SCAPER: variants seen among roughly 807,000 people sequenced by gnomAD.
SCAPER encodes S-phase cyclin A associated protein in the ER.
Under a neutral mutation model 182.2 loss-of-function variants are expected in SCAPER, and 98 were observed. The observed-to-expected ratio is 0.54, with a 90% CI of 0.46 to 0.64. The LOEUF is 0.64. SCAPER is among the 30% of genes least tolerant of loss of function. The pLI is 0.00. For missense variants in SCAPER, 1,432 were observed against 1,690.0 expected, an observed-to-expected ratio of 0.85 and a Z score of 2.68; for synonymous variants, 605 against 564.6, an observed-to-expected ratio of 1.07 and a Z score of -1.01.
At chr15:76,689,785 A>C (rs756211962) in intron 20 of SCAPER, among the ~76,000 whole-genome samples, 24 of 152,074 alleles carry the variant, frequency 1.6e-4, no homozygotes, top group South Asian at 1.2e-3. Flanking sequence ...AGATTATAAA[A>C]TGCCAGTAAA....
chr15:76,743,649 G>C (rs1001789149), intron 15 of SCAPER, among the ~76,000 whole-genome samples: 28 of 152,008 alleles, frequency 1.8e-4, no homozygotes, highest in African/African-American at 6.5e-4. Context: ...AAAAATCAGA[G>C]ATGACACAAA....
intron 17 of SCAPER, among the ~76,000 whole-genome samples, chr15:76,717,115 G>A (rs1461146732): frequency 6.7e-6 from 1 of 148,506 alleles, no homozygotes; most frequent in Non-Finnish European, 1.5e-5. Context: ...CTGGAGAATG[G>A]GATGACATAT....
intron 8 of SCAPER, among the ~76,000 whole-genome samples, chr15:76,781,470 A>G (rs2064132966): frequency 6.6e-6 from 1 of 152,222 alleles, no homozygotes; most frequent in Non-Finnish European, 1.5e-5. Context: ...ACTCTTCAGG[A>G]TATTATCCAG....
rs1184300478 is a variant in SCAPER at position 76,348,382 on chromosome 15, A to G, written c.*251T>C. On this transcript the variant is annotated 3_prime_UTR_variant, in exon 32 of 32. Coordinates refer to ENST00000563290, the MANE Select transcript of SCAPER (RefSeq NM_020843.4). ...CCCATATCACAAATGCAAAGTATAT[A>G]TTATCATAAGATGGAAATTACCAAA... The G allele has an allele frequency of 7.3e-6, 2 of 272,388 alleles. No individual in the cohort carries two copies. Among genetic ancestry groups the G allele is most frequent in the Non-Finnish European group, 1.4e-5 (2 of 144,366 alleles). The allele number at this position is 272,388 out of a possible 1,614,324, so 16.9% of individuals were successfully genotyped here.
chr15:76,899,946 CTG>C (rs1247547876), intron 1 of SCAPER, among the ~76,000 whole-genome samples: 6 of 152,188 alleles, frequency 3.9e-5, no homozygotes, highest in South Asian at 2.1e-4. Context: ...GTTACTGTGT[CTG>C]TGTAGAAAGA....
chr15:76,721,716 G>T (rs573690606), intron 17 of SCAPER, among the ~76,000 whole-genome samples: 32 of 151,926 alleles, frequency 2.1e-4, no homozygotes, highest in East Asian at 3.9e-4. Context: ...CTCATGATTT[G>T]GCTCTCTGTT....
chr15:76,604,049 T>C (rs935698267), intron 22 of SCAPER, among the ~76,000 whole-genome samples: 3 of 120,852 alleles, frequency 2.5e-5, no homozygotes, highest in African/African-American at 5.0e-5. Context: ...TTTGTCAATT[T>C]TGGCTTTTGT....
intron 26 of SCAPER, among the ~76,000 whole-genome samples, chr15:76,423,625 T>G (rs1408461552): frequency 6.6e-6 from 1 of 152,206 alleles, no homozygotes; most frequent in Non-Finnish European, 1.5e-5. Context: ...CTCCTTCAGT[T>G]CTGCTCTCAT....
intron 21 of SCAPER, among the ~76,000 whole-genome samples, chr15:76,649,383 T>G (rs904582710): frequency 6.6e-6 from 1 of 151,920 alleles, no homozygotes; most frequent in African/African-American, 2.4e-5. Context: ...TGAGCTGGGA[T>G]CATGCCACTG....
intron 5 of SCAPER, among the ~76,000 whole-genome samples, chr15:76,804,951 G>A (rs1014046042): frequency 1.3e-5 from 2 of 152,062 alleles, no homozygotes; most frequent in Non-Finnish European, 2.9e-5. Flanking sequence ...CTGCACACTT[G>A]TAGTCCCAGT....
chr15:76,522,360 G>A lies in SCAPER; in HGVS notation c.2839-17386C>T, dbSNP rs1281449757. 2.6e-5 allele frequency among the ~76,000 whole-genome samples: 4 copies of A among 152,108 alleles called. 1 individual carries two copies. The highest frequency in any genetic ancestry group is 2.6e-4 in the Admixed American group (4 of 15,276). ...ACAATGACTGATTCACCAGTAGGAA[G>A]TCAGTTACAAGATTGCTGATTTCAA... On this transcript the variant is annotated intron_variant, in intron 23 of 31. Coordinates refer to ENST00000563290, the MANE Select transcript of SCAPER (RefSeq NM_020843.4).
intron 3 of SCAPER, among the ~76,000 whole-genome samples, chr15:76,859,381 A>G (rs560024016): frequency 3.5e-4 from 53 of 152,366 alleles, no homozygotes; most frequent in African/African-American, 1.2e-3. Flanking sequence ...GTTTTCTTAG[A>G]ATATCCAGCA....
At chr15:76,854,249 T>C (rs575990779) in intron 4 of SCAPER, among the ~76,000 whole-genome samples, 21 of 151,606 alleles carry the variant, frequency 1.4e-4, no homozygotes, top group East Asian at 9.8e-4. Context: ...ATCCTGGCAA[T>C]AGAGCAAGAC....
intron 7 of SCAPER, among the ~76,000 whole-genome samples, chr15:76,799,552 T>A (rs971960264): frequency 6.6e-6 from 1 of 152,022 alleles, no homozygotes; most frequent in Non-Finnish European, 1.5e-5. Flanking sequence ...TGTTTTTACT[T>A]TTTATATAGA....
At chr15:76,417,679 T>C (rs2045746232) in intron 26 of SCAPER, among the ~76,000 whole-genome samples, 1 of 152,176 alleles carries the variant, frequency 6.6e-6, no homozygotes, top group Non-Finnish European at 1.5e-5. Flanking sequence ...AGTGCTAGGC[T>C]AAAATTTCTC....
At chr15:76,431,704 A>AAAAAAAAAAAAAAAAC (rs61401621) in intron 26 of SCAPER, among the ~76,000 whole-genome samples, 1 of 127,514 alleles carries the variant, frequency 7.8e-6, no homozygotes, top group Non-Finnish European at 1.8e-5. Context: ...AAAAAAAAAA[A>AAAAAAAAAAAAAAAAC]TGCTTTGTTT....
chr15:76,704,815 T>C (rs1441917280), intron 18 of SCAPER, among the ~76,000 whole-genome samples: 1 of 152,146 alleles, frequency 6.6e-6, no homozygotes, highest in African/African-American at 2.4e-5. Flanking sequence ...TCACTCTCCA[T>C]CAGAGAAATG....
intron 17 of SCAPER, among the ~76,000 whole-genome samples, chr15:76,720,734 G>A (rs1330025564): frequency 6.6e-6 from 1 of 152,222 alleles, no homozygotes; most frequent in African/African-American, 2.4e-5. Flanking sequence ...CTTCTTTTGA[G>A]AAGTGTCTGT....
intron 21 of SCAPER, among the ~76,000 whole-genome samples, chr15:76,652,775 G>A (rs116334364): frequency 0.016 from 2,358 of 151,928 alleles, 61 homozygotes; most frequent in African/African-American, 0.055. Context: ...ACATCATACT[G>A]AAGGTGCAAA....
Sources: allele counts gnomAD v4.1 joint callset (sites outside exome capture counted in the v4.1 genomes callset), GRCh38; gene constraint gnomAD v4.1.1; transcripts MANE v1.5; gene names NCBI Gene and HGNC (gene_info 2026-07-23, HGNC 2026-07-21).